The following DHRSX variants were observed in gnomAD, a reference collection of about 807,000 sequenced individuals.
DHRSX encodes the protein polyprenol dehydrogenase.
DHRSX carries 31 observed loss-of-function variants against 34.0 expected under a neutral mutation model. The ratio of observed to expected loss-of-function variants is 0.91; its 90% CI spans 0.69 to 1.23. DHRSX has a LOEUF of 1.23. DHRSX is among the 50% of genes most tolerant of loss of function. The pLI is 0.00. For synonymous variants in DHRSX, 201 were observed against 183.8 expected (o/e 1.09, Z -0.76); for missense variants, 414 against 428.1 (o/e 0.97, Z 0.29).
intron 3 of DHRSX, among the ~76,000 whole-genome samples, chrX:2,391,084 G>A (rs1223476942): frequency 2.0e-5 from 3 of 152,110 alleles, no homozygotes; most frequent in Non-Finnish European, 2.9e-5. Flanking sequence ...CTCCACCTTC[G>A]GGTTATTGTA....
chrX:2,277,390 C>T (rs1246760800), intron 4 of DHRSX, among the ~76,000 whole-genome samples: 1 of 28,400 alleles, frequency 3.5e-5, no homozygotes, highest in Admixed American at 4.7e-4. Context: ...GGAGGGCAAA[C>T]GAGAGGGAGA....
intron 5 of DHRSX, among the ~76,000 whole-genome samples, chrX:2,252,372 A>C (rs942483479): frequency 6.6e-6 from 1 of 152,216 alleles, no homozygotes; most frequent in Non-Finnish European, 1.5e-5. Flanking sequence ...ATATCTTTTT[A>C]AGGCAAACTT....
At chrX:2,338,314 C>A (rs528206792) in intron 3 of DHRSX, among the ~76,000 whole-genome samples, 191 of 151,652 alleles carry the variant, frequency 1.3e-3, no homozygotes, top group South Asian at 8.6e-3. Context: ...GCCTGTGCAA[C>A]AGAGCGAGAC....
At chrX:2,236,288 G>C (rs909677886) in intron 6 of DHRSX, among the ~76,000 whole-genome samples, 5 of 152,108 alleles carry the variant, frequency 3.3e-5, no homozygotes, top group Non-Finnish European at 7.3e-5. Flanking sequence ...CGGAGGTTTT[G>C]GCGCAGGCCT....
intron 3 of DHRSX, among the ~76,000 whole-genome samples, chrX:2,295,429 G>C (rs2041920585): frequency 6.6e-6 from 1 of 152,198 alleles, no homozygotes; most frequent in Non-Finnish European, 1.5e-5. Context: ...TTGCTGGGGG[G>C]TGGAGGGTTA....
rs934167358 is a variant in DHRSX at position 2,385,110 on chromosome X, A to ATGTGTGTGTG, written c.286+23625_286+23634dup. Among the ~76,000 whole-genome samples, 1,065 of 146,564 alleles carry ATGTGTGTGTG rather than the reference A, an allele frequency of 7.3e-3. 10 individuals are homozygous for ATGTGTGTGTG. Among genetic ancestry groups the ATGTGTGTGTG allele is most frequent in the African/African-American group, 0.023 (902 of 39,164 alleles). ...GAGTGAGACTCCATCTCAAATATAT[A>ATGTGTGTGTG]TGTGTGTGTGTGTGTGTGTGTGTGT... On this transcript the variant is annotated intron_variant, in intron 3 of 6. Coordinates refer to ENST00000334651, the MANE Select transcript of DHRSX (RefSeq NM_145177.3).
intron 3 of DHRSX, among the ~76,000 whole-genome samples, chrX:2,345,275 A>G (rs2042690302): frequency 6.6e-6 from 1 of 152,074 alleles, no homozygotes; most frequent in African/African-American, 2.4e-5. Context: ...AATGAGATAA[A>G]TATCGAAATC....
chrX:2,499,448 A>AT (rs1409439176), intron 1 of DHRSX, among the ~76,000 whole-genome samples: 1 of 152,172 alleles, frequency 6.6e-6, no homozygotes, highest in Admixed American at 6.5e-5. Context: ...CAGTTCACAA[A>AT]TAATTGTTTA....
chrX:2,498,806 T>C (rs1238673687), intron 1 of DHRSX, among the ~76,000 whole-genome samples: 6 of 152,062 alleles, frequency 3.9e-5, no homozygotes, highest in Non-Finnish European at 7.4e-5. Flanking sequence ...ATAAACATAA[T>C]CTTCTGCGAG....
At chrX:2,487,770 G>T (rs1162755262) in intron 1 of DHRSX, 1 of 151,442 alleles carries the variant, frequency 6.6e-6, no homozygotes, top group Non-Finnish European at 1.5e-5. Context: ...CTGCATTTTT[G>T]TACTCATCTG....
At chrX:2,446,005 A>C (rs1223352739) in intron 1 of DHRSX, among the ~76,000 whole-genome samples, 1 of 151,898 alleles carries the variant, frequency 6.6e-6, no homozygotes, top group Non-Finnish European at 1.5e-5. Flanking sequence ...AATGCAGCCA[A>C]GGGACCGCTG....
At chrX:2,259,355 G>GATATAT (rs1464051390) in intron 5 of DHRSX, among the ~76,000 whole-genome samples, 2 of 112,742 alleles carry the variant, frequency 1.8e-5, no homozygotes, top group Non-Finnish European at 4.0e-5. Context: ...TAGATATATA[G>GATATAT]ATAGATATAG....
chrX:2,310,847 T>G (rs1242840769), intron 3 of DHRSX, among the ~76,000 whole-genome samples: 1 of 151,602 alleles, frequency 6.6e-6, no homozygotes, highest in African/African-American at 2.4e-5. Flanking sequence ...GATCGCCTGA[T>G]GTCAGGAGTT....
At chrX:2,275,264 G>A (rs1195203805) in intron 4 of DHRSX, among the ~76,000 whole-genome samples, 7 of 151,468 alleles carry the variant, frequency 4.6e-5, no homozygotes, top group Non-Finnish European at 1.0e-4. Context: ...CTGGGAGGCC[G>A]AGGCAGGCGG....
intron 4 of DHRSX, among the ~76,000 whole-genome samples, chrX:2,268,056 C>T (rs1050216338): frequency 3.3e-5 from 5 of 152,154 alleles, no homozygotes; most frequent in African/African-American, 1.2e-4. Flanking sequence ...ATAAACATGG[C>T]CTGTCCTCAC....
rs1569483497 is a variant in DHRSX at position 2,282,766 on chromosome X, AAGCGAGGG to A, written c.388+8728_388+8735del. ...AATGGGAGAGAGAGAAGAGGGGAGA[AAGCGAGGG>A]AGGGAGGGGGAGAGAGAGAAGAAAG... is the stretch of plus-strand genomic sequence containing the variant. On this transcript the variant is annotated intron_variant, in intron 4 of 6. Transcript: ENST00000334651. 6.7e-5 allele frequency among the ~76,000 whole-genome samples: 6 copies of A among 89,528 alleles called. 1 individual carries two copies. The highest frequency in any genetic ancestry group is 2.2e-4 in the African/African-American group (5 of 23,210). The allele number at this position is 89,528 out of a possible 152,430, so 58.7% of individuals were successfully genotyped here.
At chrX:2,312,110 G>A (rs1199739403) in intron 3 of DHRSX, among the ~76,000 whole-genome samples, 1 of 152,092 alleles carries the variant, frequency 6.6e-6, no homozygotes, top group Non-Finnish European at 1.5e-5. Context: ...TAAAGAGAAA[G>A]CTTGAGGAAC....
At chrX:2,350,820 G>C (rs1163350513) in intron 3 of DHRSX, among the ~76,000 whole-genome samples, 1 of 152,080 alleles carries the variant, frequency 6.6e-6, no homozygotes, top group Non-Finnish European at 1.5e-5. Flanking sequence ...CAAAGACTTG[G>C]AACCAACCCA....
At chrX:2,393,627 T>TGC (rs748264815) in intron 3 of DHRSX, among the ~76,000 whole-genome samples, 17 of 71,432 alleles carry the variant, frequency 2.4e-4, no homozygotes, top group Middle Eastern at 0.01. Flanking sequence ...CCCCGTCTCC[T>TGC]GCACACACGA....
Sources: gnomAD v4.1 joint callset for allele counts (sites outside exome capture counted in the v4.1 genomes callset) on GRCh38, gnomAD v4.1.1 for gene constraint, MANE v1.5 for transcripts, NCBI Gene and HGNC (gene_info 2026-07-23, HGNC 2026-07-21) for gene names.